The following GSAP variants were observed in gnomAD, a reference collection of about 807,000 sequenced individuals.
GSAP encodes the protein gamma-secretase-activating protein.
A neutral mutation model predicts 131.7 loss-of-function variants in GSAP; 118 were observed. That is an observed-to-expected ratio of 0.90 (90% CI 0.77 to 1.04). The LOEUF is 1.04. Among genes scored for constraint, GSAP ranks in the 50% least tolerant of loss-of-function variants. The pLI, the probability that GSAP is intolerant of heterozygous loss-of-function variation, is 0.00. For synonymous variants in GSAP, 381 were observed against 363.4 expected (o/e 1.05, Z -0.55); for missense variants, 1,019 against 1,013.2 (o/e 1.01, Z -0.08).
At chr7:77,343,635 C>G (rs1362863322) in intron 19 of GSAP, among the ~76,000 whole-genome samples, 2 of 152,162 alleles carry the variant, frequency 1.3e-5, no homozygotes, top group Non-Finnish European at 2.9e-5. Flanking sequence ...GCTAGCATTC[C>G]AATTTCTGTC....
chr7:77,391,108 C>T (rs1486798307), intron 5 of GSAP, among the ~76,000 whole-genome samples: 4 of 106,018 alleles, frequency 3.8e-5, no homozygotes, highest in Non-Finnish European at 6.9e-5. Flanking sequence ...GCGTGGGCAA[C>T]AGATGAGGCT....
intron 1 of GSAP, among the ~76,000 whole-genome samples, chr7:77,408,715 A>G (rs940351486): frequency 1.4e-5 from 2 of 143,792 alleles, no homozygotes; most frequent in Non-Finnish European, 3.0e-5. Flanking sequence ...AAAAAAAAAG[A>G]AAAGATAAAT....
intron 8 of GSAP, among the ~76,000 whole-genome samples, chr7:77,380,347 A>T (rs1797610607): frequency 6.6e-6 from 1 of 152,194 alleles, no homozygotes; most frequent in Non-Finnish European, 1.5e-5. Flanking sequence ...AATCTGGAAA[A>T]ATCTGTTGGA....
chr7:77,314,327 C>T (rs1794738087), intron 27 of GSAP, 43 bp downstream of exon 27: 2 of 1,609,530 alleles, frequency 1.2e-6, no homozygotes, highest in African/African-American at 1.3e-5. Context: ...CTTGGTGGTG[C>T]TCAGGCTGGA....
Position 77,353,633 on chromosome 7 carries a change from C to G in GSAP, c.1347G>C (p.Gln449His). ...AGGCAGAGACATTCTCAGAAATCCA[C>G]TGAATAATCTTTAAAAAGTCAGACA... Reference protein sequence around the residue: ...GAQFLEAQIIQWISENVSACH... With the variant: ...GAQFLEAQIIHWISENVSACH... Residue 449 changes from glutamine to histidine, a missense_variant, in exon 17 of 31, where the codon CAG becomes CAC. Gln to His is a conservative substitution (Grantham distance 24). Transcript: ENST00000257626. The G allele has an allele frequency of 6.2e-7, 1 of 1,605,614 alleles. No homozygotes were observed. Among genetic ancestry groups the G allele is most frequent in the Non-Finnish European group, 8.5e-7 (1 of 1,173,316 alleles).
intron 19 of GSAP, among the ~76,000 whole-genome samples, chr7:77,342,125 TCTGA>T (rs376418122): frequency 0.017 from 2,529 of 152,336 alleles, 73 homozygotes; most frequent in African/African-American, 0.057. Context: ...CCCAAGGCTC[TCTGA>T]CTGACTCCTT....
At chr7:77,372,965 T>C (rs1796357586) in intron 12 of GSAP, among the ~76,000 whole-genome samples, 1 of 151,958 alleles carries the variant, frequency 6.6e-6, no homozygotes, top group Non-Finnish European at 1.5e-5. Context: ...AAGGGATGAG[T>C]ACAGCTGAGG....
chr7:77,402,560 A>G (rs571681133), intron 3 of GSAP, among the ~76,000 whole-genome samples: 344 of 127,186 alleles, frequency 2.7e-3, no homozygotes, highest in Non-Finnish European at 4.5e-3. Context: ...GCGCCACTGC[A>G]CTCCAGCCTG....
intron 26 of GSAP, among the ~76,000 whole-genome samples, chr7:77,318,761 G>A (rs1370886804): frequency 6.6e-6 from 1 of 152,048 alleles, no homozygotes; most frequent in Non-Finnish European, 1.5e-5. Context: ...ACCCCTAAAA[G>A]AAACATAGAG....
Position 77,355,233 on chromosome 7 carries a change from C to T in GSAP, c.1318G>A (p.Ala440Thr), listed in dbSNP as rs1793484216. ...CTCACCTGGGCTTCCAGGAACTGCG[C>T]ACCTTGACCGCAGTAGAGCGCGCAG... ...LHCALYCGQG[A>T]QFLEAQIIQW... The change falls in exon 16 of 31, where the codon GCG (alanine) becomes ACG (threonine). Residue 440 changes from alanine to threonine, a missense_variant. Physicochemically the swap from Ala to Thr is moderately conservative, Grantham distance 58. Coordinates refer to ENST00000257626, the MANE Select transcript of GSAP (RefSeq NM_017439.4). 9 of 1,612,544 alleles carry T rather than the reference C, an allele frequency of 5.6e-6. No individual in the cohort carries two copies. Among genetic ancestry groups the T allele is most frequent in the African/African-American group, 1.3e-5 (1 of 74,872 alleles).
intron 6 of GSAP, among the ~76,000 whole-genome samples, 165 bp downstream of exon 6, chr7:77,387,195 T>C (rs555537344): frequency 6.6e-6 from 1 of 152,372 alleles, no homozygotes; most frequent in Middle Eastern, 3.4e-3. Flanking sequence ...GAGTTCTTAA[T>C]TTCCATGCTT....
chr7:77,405,322 C>T (rs1005782456), intron 2 of GSAP, among the ~76,000 whole-genome samples: 3 of 152,148 alleles, frequency 2.0e-5, no homozygotes, highest in Non-Finnish European at 4.4e-5. Context: ...AATAATAATG[C>T]TTCGAAAGTC....
intron 5 of GSAP, among the ~76,000 whole-genome samples, chr7:77,392,907 T>C (rs968244059): frequency 6.6e-6 from 1 of 152,084 alleles, no homozygotes; most frequent in African/African-American, 2.4e-5. Flanking sequence ...GTCACCCCAA[T>C]TGCTGCCCAG....
At chr7:77,413,097 CAG>C (rs1803581767) in intron 1 of GSAP, among the ~76,000 whole-genome samples, 2 of 152,168 alleles carry the variant, frequency 1.3e-5, no homozygotes, top group Admixed American at 6.5e-5. Flanking sequence ...CACTCTGAGA[CAG>C]AGTTTAGTAC....
chr7:77,408,732 A>C (rs1001248842), intron 1 of GSAP, among the ~76,000 whole-genome samples: 3 of 151,638 alleles, frequency 2.0e-5, no homozygotes, highest in African/African-American at 4.9e-5. Context: ...AAATTGCTTA[A>C]ATTTGACTCA....
intron 9 of GSAP, 149 bp from the exon 10 acceptor site, chr7:77,377,056 T>TA (rs1488771605): frequency 1.9e-5 from 13 of 671,220 alleles, no homozygotes; most frequent in South Asian, 1.5e-4. Context: ...ATTGTTCTTA[T>TA]AAAAAAGAGT....
intron 1 of GSAP, among the ~76,000 whole-genome samples, chr7:77,412,750 T>C (rs1400891468): frequency 3.1e-5 from 4 of 128,510 alleles, no homozygotes; most frequent in African/African-American, 6.0e-5. Flanking sequence ...CGGAGCACAA[T>C]GAAATAATTA....
chr7:77,320,091 A>G (rs1261086588), intron 26 of GSAP, among the ~76,000 whole-genome samples: 2 of 152,190 alleles, frequency 1.3e-5, no homozygotes, highest in Non-Finnish European at 2.9e-5. Context: ...TATAGCTAAC[A>G]GGGGCTTATT....
intron 14 of GSAP, among the ~76,000 whole-genome samples, chr7:77,359,248 A>C (rs1030509790): frequency 6.6e-6 from 1 of 152,188 alleles, no homozygotes; most frequent in Non-Finnish European, 1.5e-5. Flanking sequence ...TATAAAAGAC[A>C]CTGAGGTAAG....
Sources: gnomAD v4.1 joint callset for allele counts (sites outside exome capture counted in the v4.1 genomes callset) on GRCh38, gnomAD v4.1.1 for gene constraint, MANE v1.5 for transcripts, NCBI Gene and HGNC (gene_info 2026-07-23, HGNC 2026-07-21) for gene names.